ZBTB7C: variants seen among roughly 807,000 people sequenced by gnomAD.
ZBTB7C encodes zinc finger and BTB domain containing 7C.
In ZBTB7C, 8 loss-of-function variants were observed where a neutral mutation model predicts 25.7. That is an observed-to-expected ratio of 0.31 (90% CI 0.18 to 0.56). The LOEUF is 0.56. ZBTB7C is among the 20% of genes least tolerant of loss of function. ZBTB7C has a pLI of 0.91. For missense variants in ZBTB7C, 824 were observed against 855.2 expected, an observed-to-expected ratio of 0.96 and a Z score of 0.46; for synonymous variants, 394 against 369.0, an observed-to-expected ratio of 1.07 and a Z score of -0.78.
At chr18:48,059,378 A>G (rs1205259146) in intron 3 of ZBTB7C, among the ~76,000 whole-genome samples, 1 of 152,172 alleles carries the variant, frequency 6.6e-6, no homozygotes, top group African/African-American at 2.4e-5. Flanking sequence ...AAAAGGCTCC[A>G]GCACACACAC....
intron 4 of ZBTB7C, among the ~76,000 whole-genome samples, chr18:48,030,335 C>T (rs2035690276): frequency 6.6e-6 from 1 of 152,222 alleles, no homozygotes; most frequent in African/African-American, 2.4e-5. Flanking sequence ...CAACCTTATG[C>T]TTTCCCTCCA....
intron 3 of ZBTB7C, among the ~76,000 whole-genome samples, chr18:48,180,665 T>C (rs1400726020): frequency 9.2e-5 from 14 of 152,100 alleles, no homozygotes; most frequent in Admixed American, 9.2e-4. Flanking sequence ...TGTTCTACAG[T>C]GTATATACAG....
At chr18:48,254,549 G>A (rs1022987204) in intron 2 of ZBTB7C, among the ~76,000 whole-genome samples, 1 of 152,000 alleles carries the variant, frequency 6.6e-6, no homozygotes, top group Non-Finnish European at 1.5e-5. Context: ...CTCCTCTCTC[G>A]TTTCTTCTGC....
chr18:48,229,762 T>C (rs1468588867), intron 2 of ZBTB7C, among the ~76,000 whole-genome samples: 1 of 152,108 alleles, frequency 6.6e-6, no homozygotes, highest in East Asian at 1.9e-4. Flanking sequence ...GAGGAAGACG[T>C]GGGGGAGTTG....
chr18:48,104,271 T>C (rs2038949188), intron 3 of ZBTB7C, among the ~76,000 whole-genome samples: 1 of 152,120 alleles, frequency 6.6e-6, no homozygotes, highest in Non-Finnish European at 1.5e-5. Context: ...CAAGATCTGA[T>C]TGTTAAAAAG....
In ZBTB7C at chr18:48,068,533, C is replaced by A. The variant is rs1055410389; in HGVS notation, c.-16-27410G>T. ...AAAAAACAAAACACCAGCATCTAGA[C>A]CCCAACCCCAGACAAGTTGAATTAG... On this transcript the variant is annotated intron_variant, in intron 3 of 4. Coordinates refer to ENST00000590800, the MANE Select transcript of ZBTB7C (RefSeq NM_001318841.2). 2.0e-5 allele frequency among the ~76,000 whole-genome samples: 3 copies of A among 152,208 alleles called. No homozygotes were observed. The East Asian group carries it at 5.8e-4, about 29-fold the overall frequency.
intron 3 of ZBTB7C, among the ~76,000 whole-genome samples, chr18:48,147,156 C>T (rs962583441): frequency 9.2e-5 from 14 of 152,180 alleles, no homozygotes; most frequent in Non-Finnish European, 2.9e-5. Flanking sequence ...CGGCTCACTG[C>T]AACCTCCGCC....
At chr18:48,076,576 A>C (rs1458970479) in intron 3 of ZBTB7C, among the ~76,000 whole-genome samples, 1 of 152,176 alleles carries the variant, frequency 6.6e-6, no homozygotes, top group Non-Finnish European at 1.5e-5. Flanking sequence ...CTTGCCAGCC[A>C]CTGAGATTGT....
chr18:48,349,609 G>A (rs1261200712), intron 1 of ZBTB7C, among the ~76,000 whole-genome samples: 6 of 152,220 alleles, frequency 3.9e-5, no homozygotes, highest in East Asian at 1.9e-4. Context: ...CATGCTAAAC[G>A]CTGGAGGAGG....
intron 2 of ZBTB7C, among the ~76,000 whole-genome samples, chr18:48,261,444 T>C (rs2044168210): frequency 6.6e-6 from 1 of 152,224 alleles, no homozygotes; most frequent in Non-Finnish European, 1.5e-5. Context: ...ATCATGGTGA[T>C]GATTATTGCT....
chr18:48,049,474 C>A (rs1336636838), intron 3 of ZBTB7C, among the ~76,000 whole-genome samples: 21 of 152,092 alleles, frequency 1.4e-4, no homozygotes, highest in Non-Finnish European at 1.5e-5. Flanking sequence ...AGGATGCCAG[C>A]AAGTAGGAAC....
At chr18:48,084,601 C>T (rs546688145) in intron 3 of ZBTB7C, among the ~76,000 whole-genome samples, 21 of 152,264 alleles carry the variant, frequency 1.4e-4, no homozygotes, top group African/African-American at 4.6e-4. Context: ...AGGCCCCACT[C>T]GCCCTATCAC....
intron 2 of ZBTB7C, among the ~76,000 whole-genome samples, chr18:48,279,271 A>T (rs1327426820): frequency 6.6e-6 from 1 of 152,140 alleles, no homozygotes; most frequent in East Asian, 1.9e-4. Context: ...GTCTCTTTCC[A>T]GTCTGAAGTG....
At chr18:48,136,875 G>C (rs937625592) in intron 3 of ZBTB7C, 1 of 809,760 alleles carries the variant, frequency 1.2e-6, no homozygotes, top group African/African-American at 1.9e-5. Flanking sequence ...AGCGCGTAGC[G>C]AGAATGCCCG....
At chr18:48,054,263 T>C (rs572503517) in intron 3 of ZBTB7C, among the ~76,000 whole-genome samples, 18 of 152,256 alleles carry the variant, frequency 1.2e-4, no homozygotes, top group African/African-American at 3.6e-4. Flanking sequence ...GAAGCAGTCC[T>C]GGAGCAGGGA....
chr18:48,102,376 C>T (rs1349081651), intron 3 of ZBTB7C, among the ~76,000 whole-genome samples: 2 of 151,962 alleles, frequency 1.3e-5, no homozygotes, highest in African/African-American at 2.4e-5. Flanking sequence ...CCAGCCTGGG[C>T]AACATAGCTA....
intron 2 of ZBTB7C, among the ~76,000 whole-genome samples, chr18:48,289,110 T>C (rs1372763442): frequency 6.6e-6 from 1 of 152,190 alleles, no homozygotes; most frequent in East Asian, 1.9e-4. Context: ...GGATCGGGCA[T>C]TGATTGGCTA....
intron 2 of ZBTB7C, among the ~76,000 whole-genome samples, chr18:48,306,919 G>A (rs1598833271): frequency 6.6e-6 from 1 of 151,274 alleles, no homozygotes; most frequent in East Asian, 1.9e-4. Flanking sequence ...GAGGCACACA[G>A]TGTAAAAATG....
At chr18:48,282,546 A>G (rs1047338281) in intron 2 of ZBTB7C, among the ~76,000 whole-genome samples, 1 of 152,220 alleles carries the variant, frequency 6.6e-6, no homozygotes, top group Non-Finnish European at 1.5e-5. Flanking sequence ...ATAATTTACC[A>G]GGAGACAGGT....
Sources: gnomAD v4.1 joint callset for allele counts (sites outside exome capture counted in the v4.1 genomes callset) on GRCh38, gnomAD v4.1.1 for gene constraint, MANE v1.5 for transcripts, NCBI Gene and HGNC (gene_info 2026-07-23, HGNC 2026-07-21) for gene names.